Variants in SDK1 observed in about 807,000 individuals in gnomAD.
SDK1 encodes the protein sidekick cell adhesion molecule 1, also known as protein sidekick-1.
SDK1 carries 157 observed loss-of-function variants against 245.5 expected under a neutral mutation model. That is an observed-to-expected ratio of 0.64 (90% CI 0.56 to 0.73). The LOEUF (loss-of-function observed/expected upper bound fraction) is 0.73, where lower values mean the gene tolerates loss of function less well. Ranked by LOEUF, SDK1 falls within the 30% of genes least tolerant of loss-of-function variation. The pLI is 0.00. For synonymous variants in SDK1, 1,647 were observed against 1,278.5 expected (o/e 1.29, Z -6.15); for missense variants, 3,583 against 3,002.3 (o/e 1.19, Z -4.52).
In SDK1 at chr7:3,596,185, G is replaced by A. The variant is rs977936320; in HGVS notation, c.299-22895G>A. On this transcript the variant is annotated intron_variant, in intron 1 of 44. Coordinates refer to ENST00000404826, the MANE Select transcript of SDK1 (RefSeq NM_152744.4). Reference sequence around the variant, plus strand: ...GCATTTTGGAGCGTTTCAGTCTGTCGTTCCAGGGGTAGTAACAGAAGCTGT... The same window carrying A: ...GCATTTTGGAGCGTTTCAGTCTGTCATTCCAGGGGTAGTAACAGAAGCTGT... Among the ~76,000 whole-genome samples the A allele has an allele frequency of 3.9e-5, 6 of 152,208 alleles. 1 individual carries two copies. In the South Asian group the frequency reaches 8.3e-4, roughly 21 times the overall value.
chr7:3,679,234 G>C (rs1784019798), intron 4 of SDK1, among the ~76,000 whole-genome samples: 1 of 152,184 alleles, frequency 6.6e-6, no homozygotes, highest in Admixed American at 6.5e-5. Flanking sequence ...AATCTGTGAA[G>C]AACTCCTAAA....
chr7:3,578,974 A>G (rs1344470460), intron 1 of SDK1, among the ~76,000 whole-genome samples: 1 of 151,980 alleles, frequency 6.6e-6, no homozygotes, highest in Non-Finnish European at 1.5e-5. Flanking sequence ...GGTGTAAGAA[A>G]TTATAAGAGT....
chr7:3,462,682 C>T (rs547853665), intron 1 of SDK1, among the ~76,000 whole-genome samples: 1 of 152,246 alleles, frequency 6.6e-6, no homozygotes, highest in African/African-American at 2.4e-5. Context: ...GCCTCATCCA[C>T]ATTAACTCCA....
At chr7:3,370,895 G>T (rs1403777966) in intron 1 of SDK1, among the ~76,000 whole-genome samples, 3 of 152,050 alleles carry the variant, frequency 2.0e-5, no homozygotes, top group African/African-American at 7.2e-5. Context: ...CTCCTCCTCT[G>T]TCTCCACTAG....
At chr7:4,182,728 C>G (rs1334139600) in intron 35 of SDK1, among the ~76,000 whole-genome samples, 1 of 152,212 alleles carries the variant, frequency 6.6e-6, no homozygotes, top group Non-Finnish European at 1.5e-5. Flanking sequence ...CCATGGGGCT[C>G]CTTCCTGAGG....
At chr7:3,939,099 C>T (rs1780265197) in intron 5 of SDK1, among the ~76,000 whole-genome samples, 1 of 152,202 alleles carries the variant, frequency 6.6e-6, no homozygotes, top group Non-Finnish European at 1.5e-5. Flanking sequence ...TCCTCTCTTT[C>T]CCTTTCCCTC....
chr7:3,493,983 T>C (rs1781945741), intron 1 of SDK1, among the ~76,000 whole-genome samples: 2 of 152,230 alleles, frequency 1.3e-5, no homozygotes, highest in Non-Finnish European at 2.9e-5. Context: ...AATATGTTCC[T>C]GTATAGACAG....
At chr7:3,887,281 C>G (rs1400050965) in intron 5 of SDK1, among the ~76,000 whole-genome samples, 3 of 152,086 alleles carry the variant, frequency 2.0e-5, no homozygotes, top group Admixed American at 2.0e-4. Flanking sequence ...TAATTCACTC[C>G]AGAAATGATA....
At chr7:3,369,235 G>A (rs1249537218) in intron 1 of SDK1, among the ~76,000 whole-genome samples, 3 of 152,030 alleles carry the variant, frequency 2.0e-5, no homozygotes, top group South Asian at 2.1e-4. Context: ...TAGTAGAGAC[G>A]GGGTTTCACC....
In SDK1 at chr7:4,265,184, A is replaced by C; in HGVS notation, c.6442A>C (p.Ser2148Arg). Residue 2148 changes from serine to arginine, a missense_variant, in exon 45 of 45, where the codon AGC (serine) becomes CGC (arginine). Physicochemically the swap from Ser to Arg is moderately radical, Grantham distance 110. Coordinates refer to ENST00000404826, the MANE Select transcript of SDK1 (RefSeq NM_152744.4). ...GCACTCCTTCGTGAACCACTACATG[A>C]GCGACCCCACCTACTACAACTCATG... Reference protein sequence around the residue: ...PKHSFVNHYMSDPTYYNSWKR... With the variant: ...PKHSFVNHYMRDPTYYNSWKR... The C allele has an allele frequency of 1.2e-6, 2 of 1,612,324 alleles. No individual in the cohort carries two copies. The highest frequency in any genetic ancestry group is 2.2e-5 in the South Asian group (2 of 91,032).
chr7:3,850,320 C>G (rs1413624872), intron 5 of SDK1, among the ~76,000 whole-genome samples: 2 of 152,176 alleles, frequency 1.3e-5, no homozygotes, highest in Admixed American at 6.5e-5. Flanking sequence ...ATATGGAAAG[C>G]ATGTGTAACG....
intron 22 of SDK1, among the ~76,000 whole-genome samples, chr7:4,103,524 C>T (rs555241777): frequency 6.6e-6 from 1 of 152,210 alleles, no homozygotes; most frequent in South Asian, 2.1e-4. Context: ...ATAGAAATTT[C>T]AGTTTCTCCC....
rs1041670103 is a variant in SDK1, at chr7:4,265,228, C to A, written c.6486C>A (p.Gly2162=). Residue 2162 remains glycine, a synonymous_variant, in exon 45 of 45, where the codon GGC becomes GGA. Transcript: ENST00000404826. ...ACTCATGGAAGCGCAGGGCCCAGGG[C>A]CGCGCACCTGCGCCGCACAGGTACG... ...YYNSWKRRAQ[G]RAPAPHRYEA... 1 of 1,608,956 alleles carries A rather than the reference C, an allele frequency of 6.2e-7. No homozygotes were observed. Among genetic ancestry groups the A allele is most frequent in the African/African-American group, 1.3e-5 (1 of 75,030 alleles).
intron 4 of SDK1, among the ~76,000 whole-genome samples, chr7:3,682,742 G>C (rs1784146555): frequency 6.6e-6 from 1 of 151,234 alleles, no homozygotes; most frequent in African/African-American, 2.4e-5. Flanking sequence ...TTTTTAAACA[G>C]AGTTTTGCTT....
chr7:3,936,995 G>A (rs1470762605), intron 5 of SDK1, among the ~76,000 whole-genome samples: 1 of 152,210 alleles, frequency 6.6e-6, no homozygotes, highest in African/African-American at 2.4e-5. Flanking sequence ...CGGAGAGGCT[G>A]TGAAAGAGAA....
At chr7:3,315,308 A>G (rs1036772646) in intron 1 of SDK1, among the ~76,000 whole-genome samples, 1 of 152,192 alleles carries the variant, frequency 6.6e-6, no homozygotes, top group Admixed American at 6.5e-5. Context: ...CAAGTTATAC[A>G]GTATCATACA....
At chr7:3,597,355 C>A (rs773273912) in intron 1 of SDK1, among the ~76,000 whole-genome samples, 1 of 151,958 alleles carries the variant, frequency 6.6e-6, no homozygotes, top group African/African-American at 2.4e-5. Context: ...GAAAACTTCT[C>A]CCCTTTTGGT....
chr7:3,953,186 CT>C (rs1780972099), intron 7 of SDK1, among the ~76,000 whole-genome samples: 1 of 147,950 alleles, frequency 6.8e-6, no homozygotes, highest in South Asian at 2.1e-4. Context: ...AAAAAAAAAG[CT>C]TGTGTTTTCC....
chr7:3,896,745 G>C (rs1277676686), intron 5 of SDK1, among the ~76,000 whole-genome samples: 1 of 152,102 alleles, frequency 6.6e-6, no homozygotes, highest in Non-Finnish European at 1.5e-5. Flanking sequence ...GTTTAAGGTG[G>C]GGGAATAAAT....
Sources: allele counts gnomAD v4.1 joint callset (sites outside exome capture counted in the v4.1 genomes callset), GRCh38; gene constraint gnomAD v4.1.1; transcripts MANE v1.5; gene names NCBI Gene and HGNC (gene_info 2026-07-23, HGNC 2026-07-21).